Variants in RBFOX3 observed in about 807,000 individuals in gnomAD.
RBFOX3 encodes the protein RNA binding protein fox-1 homolog 3.
RBFOX3 carries 17 observed loss-of-function variants against 48.7 expected under a neutral mutation model. The ratio of observed to expected loss-of-function variants is 0.35; its 90% CI spans 0.24 to 0.52. The LOEUF (loss-of-function observed/expected upper bound fraction) is 0.52. RBFOX3 is among the 20% of genes least tolerant of loss of function. The pLI, the probability that RBFOX3 is intolerant of heterozygous loss-of-function variation, is 0.94. For missense variants in RBFOX3, 382 were observed against 497.5 expected, an observed-to-expected ratio of 0.77 and a Z score of 2.21; for synonymous variants, 212 against 209.5, an observed-to-expected ratio of 1.01 and a Z score of -0.10.
chr17:79,562,807 G>A (rs2092297884), intron 1 of RBFOX3, among the ~76,000 whole-genome samples: 2 of 152,166 alleles, frequency 1.3e-5, no homozygotes, highest in Non-Finnish European at 2.9e-5. Flanking sequence ...AAGGAGCAGG[G>A]ACCCTAATGA....
chr17:79,211,848 G>A (rs1250501460), intron 4 of RBFOX3, among the ~76,000 whole-genome samples: 1 of 152,180 alleles, frequency 6.6e-6, no homozygotes, highest in Non-Finnish European at 1.5e-5. Context: ...CTTAAGCCCT[G>A]GACTTTCGGT....
At chr17:79,151,914 GCGAGGA>G (rs2044583881) in intron 4 of RBFOX3, among the ~76,000 whole-genome samples, 1 of 55,116 alleles carries the variant, frequency 1.8e-5, no homozygotes, top group Non-Finnish European at 4.6e-5. Context: ...AGGAGGGGAG[GCGAGGA>G]TGGGAGGGGA....
At chr17:79,371,967 C>G (rs1372815676) in intron 2 of RBFOX3, among the ~76,000 whole-genome samples, 2 of 152,142 alleles carry the variant, frequency 1.3e-5, no homozygotes, top group South Asian at 4.1e-4. Context: ...TGCAGAGCAA[C>G]CACAGCCCAC....
intron 1 of RBFOX3, among the ~76,000 whole-genome samples, chr17:79,595,256 G>A (rs2145191770): frequency 6.6e-6 from 1 of 152,232 alleles, no homozygotes; most frequent in African/African-American, 2.4e-5. Flanking sequence ...CAGACACGCA[G>A]CTCCCTGGAG....
chr17:79,449,676 A>T (rs1188659171), intron 2 of RBFOX3, among the ~76,000 whole-genome samples: 1 of 118,408 alleles, frequency 8.4e-6, no homozygotes, highest in Non-Finnish European at 1.9e-5. Context: ...CCGTAGACCC[A>T]ATGGAGCATC....
chr17:79,555,344 TTGTG>T (rs2091562618), intron 1 of RBFOX3, among the ~76,000 whole-genome samples: 70 of 95,984 alleles, frequency 7.3e-4, no homozygotes, highest in South Asian at 3.7e-3. Context: ...ATGATGGTAG[TTGTG>T]GTGGTGGTGA....
At chr17:79,616,893 TGGA>T in the RBFOX3 span, among the ~76,000 whole-genome samples, 2 of 152,138 alleles carry the variant, frequency 1.3e-5, no homozygotes, top group Admixed American at 1.3e-4. Context: ...AAGGAGACCT[TGGA>T]GGTCAGAGAC....
chr17:79,218,967 G>A (rs563252492), intron 4 of RBFOX3, among the ~76,000 whole-genome samples: 169 of 152,326 alleles, frequency 1.1e-3, no homozygotes, highest in Non-Finnish European at 2.1e-3. Context: ...GGGGCCATCC[G>A]TCCCTTCTCC....
At position 79,101,651 on chromosome 17, in the gene RBFOX3, A is replaced by G; in HGVS notation, c.508-7T>C. The G allele has an allele frequency of 1.3e-6, 2 of 1,551,052 alleles. No individual in the cohort carries two copies. Among genetic ancestry groups the G allele is most frequent in the Non-Finnish European group, 1.7e-6 (2 of 1,146,782 alleles). ...GGGCCGTGGCATTATTGACCTGTTC[A>G]AAGAGGGAAGGAGAGAGAGGAAGAG... On this transcript the variant is annotated splice_polypyrimidine_tract_variant and splice_region_variant and intron_variant, in intron 8 of 14. Transcript: ENST00000693108.
At chr17:79,611,981 G>A (rs2093973069), upstream of RBFOX3, among the ~76,000 whole-genome samples, 1 of 152,156 alleles carries the variant, frequency 6.6e-6, no homozygotes, top group Non-Finnish European at 1.5e-5. Flanking sequence ...GTGAGTTCTG[G>A]GAGGGTCTCT....
intron 14 of RBFOX3, among the ~76,000 whole-genome samples, chr17:79,093,548 GA>G (rs72211592): frequency 0.4 from 46,741 of 117,294 alleles, 7,502 homozygotes; most frequent in African/African-American, 0.44. Context: ...GTTAAAAATT[GA>G]AAAAAAAAAA....
At chr17:79,375,248 C>T (rs977458171) in intron 2 of RBFOX3, among the ~76,000 whole-genome samples, 7 of 152,106 alleles carry the variant, frequency 4.6e-5, no homozygotes, top group African/African-American at 1.4e-4. Context: ...GGTCAACAAG[C>T]CTTGATTATG....
Position 79,213,472 on chromosome 17 carries a change from A to G in RBFOX3, c.-34+22294T>C, listed in dbSNP as rs928448410. ...CAACAGCCAGACGGGGGAGGGTGAGATGAGGGCCAAAGTCAAGGGCTGGCC... is the reference window on the plus strand; with the variant it reads ...CAACAGCCAGACGGGGGAGGGTGAGGTGAGGGCCAAAGTCAAGGGCTGGCC... On this transcript the variant is annotated intron_variant, in intron 4 of 14. Coordinates refer to ENST00000693108, the MANE Select transcript of RBFOX3 (RefSeq NM_001350451.2). Among the ~76,000 whole-genome samples the G allele has an allele frequency of 8.5e-5, 13 of 152,218 alleles. No homozygotes were observed. The East Asian group carries it at 2.5e-3, about 29-fold the overall frequency.
At chr17:79,296,974 C>T (rs1319841854) in intron 3 of RBFOX3, among the ~76,000 whole-genome samples, 1 of 147,512 alleles carries the variant, frequency 6.8e-6, no homozygotes, top group Admixed American at 6.8e-5. Context: ...CCTCCTCCCT[C>T]TCCTCTTCCT....
At position 79,215,894 on chromosome 17, in the gene RBFOX3, G is replaced by A. The variant is rs534420625; in HGVS notation, c.-34+19872C>T. Reference sequence around the variant, plus strand: ...AGTGGGAAGCCACTCTGGCGGCTGTGGATGCTGGTGCAGGCATTTGGACGT... The same window carrying A: ...AGTGGGAAGCCACTCTGGCGGCTGTAGATGCTGGTGCAGGCATTTGGACGT... On this transcript the variant is annotated intron_variant, in intron 4 of 14. Transcript: ENST00000693108. 1.2e-3 allele frequency among the ~76,000 whole-genome samples: 178 copies of A among 152,384 alleles called. 1 individual carries two copies. Among genetic ancestry groups the A allele is most frequent in the Admixed American group, 4.4e-3 (67 of 15,306 alleles).
At chr17:79,314,692 G>C (rs1048930485) in intron 2 of RBFOX3, among the ~76,000 whole-genome samples, 1 of 152,238 alleles carries the variant, frequency 6.6e-6, no homozygotes, top group African/African-American at 2.4e-5. Flanking sequence ...TTCAGTCAAA[G>C]AGGTGAGTTG....
chr17:79,522,458 C>T (rs1291482112), intron 1 of RBFOX3, among the ~76,000 whole-genome samples: 2 of 152,132 alleles, frequency 1.3e-5, no homozygotes, highest in Admixed American at 1.3e-4. Context: ...CCGCACACCA[C>T]CCCTGAGCTA....
chr17:79,498,491 G>A lies in RBFOX3; in HGVS notation c.-319-15893C>T, dbSNP rs1029491605. Among the ~76,000 whole-genome samples the A allele has an allele frequency of 3.1e-4, 41 of 131,670 alleles. 2 individuals carry two copies. Among genetic ancestry groups the A allele is most frequent in the Non-Finnish European group, 5.0e-4 (31 of 61,454 alleles). 86.4% of individuals were successfully genotyped at this position (131,670 alleles called of 152,430 possible). On this transcript the variant is annotated intron_variant, in intron 1 of 14. Coordinates refer to ENST00000693108, the MANE Select transcript of RBFOX3 (RefSeq NM_001350451.2). ...CACTCATCCATCCATCCATCCATAAGCCTACCCATCCATCCACTCATCCAT... is the reference window on the plus strand; with the variant it reads ...CACTCATCCATCCATCCATCCATAAACCTACCCATCCATCCACTCATCCAT...
intron 2 of RBFOX3, among the ~76,000 whole-genome samples, chr17:79,315,432 C>T (rs923146741): frequency 1.3e-5 from 2 of 152,158 alleles, no homozygotes; most frequent in Admixed American, 1.3e-4. Flanking sequence ...ATCTGCAGGC[C>T]GACAAGGAAG....
Sources: allele counts gnomAD v4.1 joint callset (sites outside exome capture counted in the v4.1 genomes callset), GRCh38; gene constraint gnomAD v4.1.1; transcripts MANE v1.5; gene names NCBI Gene and HGNC (gene_info 2026-07-23, HGNC 2026-07-21).